IMPA2: variants seen among roughly 807,000 people sequenced by gnomAD.
IMPA2 encodes the protein inositol monophosphatase 2.
Under a neutral mutation model 35.1 loss-of-function variants are expected in IMPA2, and 32 were observed. The observed-to-expected ratio is 0.91, with a 90% CI of 0.69 to 1.23. IMPA2 has a LOEUF of 1.23. Ranked by LOEUF, IMPA2 falls within the 50% of genes most tolerant of loss-of-function variation. IMPA2 has a pLI of 0.00. For missense variants in IMPA2, 334 were observed against 387.6 expected (o/e 0.86, Z 1.16); for synonymous variants, 135 against 160.6 (o/e 0.84, Z 1.20).
rs938260249 is a variant in IMPA2 at position 11,991,666 on chromosome 18, A to T, written c.97-7388A>T. Among the ~76,000 whole-genome samples the T allele has an allele frequency of 5.3e-5, 8 of 152,100 alleles. No individual in the cohort carries two copies. Among genetic ancestry groups the T allele is most frequent in the Non-Finnish European group, 1.0e-4 (7 of 68,024 alleles). ...AGTTTGAAGGCCATAGGGCAGGAAG[A>T]GTTGTTCATGTGGACAGAGTCCCAA... On this transcript the variant is annotated intron_variant, in intron 1 of 7. Coordinates refer to ENST00000269159, the MANE Select transcript of IMPA2 (RefSeq NM_014214.3). The surrounding 1 kb of genome is among the most constrained non-coding windows in gnomAD (Gnocchi z 4.1).
At chr18:11,996,315 T>G (rs1906956906) in intron 1 of IMPA2, among the ~76,000 whole-genome samples, 1 of 152,178 alleles carries the variant, frequency 6.6e-6, no homozygotes, top group Non-Finnish European at 1.5e-5. Context: ...GTTTGGGATG[T>G]GTTCTGTGAG....
intron 5 of IMPA2, among the ~76,000 whole-genome samples, chr18:12,015,542 G>A (rs895731623): frequency 3.9e-5 from 6 of 152,176 alleles, no homozygotes; most frequent in Non-Finnish European, 7.3e-5. Flanking sequence ...TGAGGGACAC[G>A]AAGGGCAAGA....
rs1412861997 is a variant in IMPA2, at chr18:11,991,187, C to T, written c.97-7867C>T. Reference sequence around the variant, plus strand: ...GGAGGCAGGGGCCACAGGCCACGGGCCCTGGAACACAGGGAATGCAGCTGG... The same window carrying T: ...GGAGGCAGGGGCCACAGGCCACGGGTCCTGGAACACAGGGAATGCAGCTGG... On this transcript the variant is annotated intron_variant, in intron 1 of 7. Coordinates refer to ENST00000269159, the MANE Select transcript of IMPA2 (RefSeq NM_014214.3). This position sits in a 1 kb window ranked among gnomAD's most constrained non-coding sequence, Gnocchi z 4.1. Among the ~76,000 whole-genome samples the T allele has an allele frequency of 6.6e-6, 1 of 152,138 alleles. No individual in the cohort carries two copies. The highest frequency in any genetic ancestry group is 1.5e-5 in the Non-Finnish European group (1 of 68,026).
At chr18:11,983,589 G>A (rs2143769633) in intron 1 of IMPA2, among the ~76,000 whole-genome samples, 1 of 152,290 alleles carries the variant, frequency 6.6e-6, no homozygotes, top group African/African-American at 2.4e-5. Context: ...TAACTTAAGA[G>A]ATATTTTATG....
chr18:12,006,268 C>A (rs1907244874), intron 2 of IMPA2, among the ~76,000 whole-genome samples: 1 of 152,220 alleles, frequency 6.6e-6, no homozygotes, highest in Non-Finnish European at 1.5e-5. Flanking sequence ...GCCATTGTGG[C>A]TTCTACCCAC....
chr18:12,026,122 C>T (rs1907876290), intron 5 of IMPA2, among the ~76,000 whole-genome samples: 1 of 149,970 alleles, frequency 6.7e-6, no homozygotes, highest in African/African-American at 2.5e-5. Context: ...GCAACCTCCG[C>T]CTCCCGGGTT....
intron 3 of IMPA2, among the ~76,000 whole-genome samples, chr18:12,011,806 G>A (rs1389018321): frequency 7.2e-5 from 11 of 152,228 alleles, no homozygotes; most frequent in Admixed American, 3.3e-4. Context: ...CCTGCCTGGC[G>A]CCCCACCTGG....
intron 1 of IMPA2, among the ~76,000 whole-genome samples, chr18:11,982,793 CAAAA>C (rs11354219): frequency 5.1e-4 from 57 of 111,746 alleles, no homozygotes; most frequent in Middle Eastern, 5.3e-3. Flanking sequence ...AACTCCGTCT[CAAAA>C]AAAAAAAAAA....
chr18:12,001,322 G>A lies in IMPA2; in HGVS notation c.230+2135G>A, dbSNP rs114740224. Reference sequence around the variant, plus strand: ...TTGAGAGGAAGCATGCTGCAGTAACGAGCCGGCTGTTTCCAGGTCCTTTAT... The same window carrying A: ...TTGAGAGGAAGCATGCTGCAGTAACAAGCCGGCTGTTTCCAGGTCCTTTAT... On this transcript the variant is annotated intron_variant, in intron 2 of 7. Coordinates refer to ENST00000269159, the MANE Select transcript of IMPA2 (RefSeq NM_014214.3). Among the ~76,000 whole-genome samples the A allele has an allele frequency of 4.4e-3, 667 of 152,222 alleles. 3 individuals are homozygous for A. Among genetic ancestry groups the A allele is most frequent in the African/African-American group, 0.015 (632 of 41,550 alleles).
chr18:12,009,182 CAGG>C (rs1355753445), intron 2 of IMPA2, among the ~76,000 whole-genome samples: 9 of 152,278 alleles, frequency 5.9e-5, no homozygotes, highest in African/African-American at 2.2e-4. Flanking sequence ...GAGAACAAAG[CAGG>C]AGGATTGCTT....
chr18:12,009,654 C>T lies in IMPA2; in HGVS notation c.231-229C>T, dbSNP rs184123770. ...AATTCCCTGGTGCTCTTTCTGAACG[C>T]TGGCACTGAGGTGTCACTCTGTTTT... On this transcript the variant is annotated intron_variant, in intron 2 of 7. Transcript: ENST00000269159. Among the ~76,000 whole-genome samples the T allele has an allele frequency of 6.9e-3, 1,058 of 152,300 alleles. 8 individuals are homozygous for T. Among genetic ancestry groups the T allele is most frequent in the South Asian group, 0.011 (51 of 4,822 alleles).
At position 11,981,556 on chromosome 18, in the gene IMPA2, A is replaced by G; in HGVS notation, c.-114A>G. On this transcript the variant is annotated 5_prime_UTR_variant, in exon 1 of 8. Coordinates refer to ENST00000269159, the MANE Select transcript of IMPA2 (RefSeq NM_014214.3). ...GGGACGGGCGGCGGACTAGGCACAG[A>G]GCTGCGGGAGCAGGCACAGGGAGTG... is the stretch of plus-strand genomic sequence containing the variant. 1.5e-6 allele frequency: 1 copy of G among 648,690 alleles called. No homozygotes were observed. 40.2% of individuals were successfully genotyped at this position (648,690 alleles called of 1,614,324 possible).
At chr18:11,993,868 G>A (rs1906882934) in intron 1 of IMPA2, 2 of 152,342 alleles carry the variant, frequency 1.3e-5, no homozygotes, top group African/African-American at 4.8e-5. Context: ...CTGGCTGGGT[G>A]TGAAGGGCCT....
intron 2 of IMPA2, among the ~76,000 whole-genome samples, chr18:12,002,640 T>C (rs1359845558): frequency 6.6e-6 from 1 of 151,440 alleles, no homozygotes; most frequent in African/African-American, 2.4e-5. Flanking sequence ...CTGGGCATGC[T>C]GGTGCACGCT....
chr18:12,021,024 G>T (rs1907714533), intron 5 of IMPA2, among the ~76,000 whole-genome samples: 1 of 151,516 alleles, frequency 6.6e-6, no homozygotes, highest in Non-Finnish European at 1.5e-5. Flanking sequence ...GGCGGGGGTG[G>T]GGGCTCCAGA....
chr18:12,006,414 G>T (rs534876771), intron 2 of IMPA2, among the ~76,000 whole-genome samples: 2 of 152,216 alleles, frequency 1.3e-5, no homozygotes, highest in South Asian at 4.1e-4. Flanking sequence ...GGAGCAAGGC[G>T]TGCAGTGTAG....
At chr18:12,017,491 C>T (rs775740275) in intron 5 of IMPA2, 62 of 244,468 alleles carry the variant, frequency 2.5e-4, no homozygotes, top group Non-Finnish European at 4.7e-4. Context: ...AAGTGGCCTC[C>T]TAAGGTCATA....
At chr18:12,011,836 G>T (rs1049522254) in intron 3 of IMPA2, among the ~76,000 whole-genome samples, 1 of 152,212 alleles carries the variant, frequency 6.6e-6, no homozygotes, top group African/African-American at 2.4e-5. Flanking sequence ...TGGCCTTTGG[G>T]GAGGGCTCTG....
At chr18:11,992,142 C>T (rs1238407544) in intron 1 of IMPA2, among the ~76,000 whole-genome samples, 1 of 152,200 alleles carries the variant, frequency 6.6e-6, no homozygotes, top group African/African-American at 2.4e-5. Flanking sequence ...ACGCCTAGCC[C>T]AGAACAATGT....
Sources: gnomAD v4.1 joint callset for allele counts (sites outside exome capture counted in the v4.1 genomes callset) on GRCh38, gnomAD v4.1.1 for gene constraint, Gnocchi (gnomAD v3.1) non-coding constraint, MANE v1.5 for transcripts, NCBI Gene and HGNC (gene_info 2026-07-23, HGNC 2026-07-21) for gene names.